The following TPCN1 variants were observed in gnomAD, a reference collection of about 807,000 sequenced individuals.
TPCN1 encodes the protein two pore channel protein 1.
A neutral mutation model predicts 108.8 loss-of-function variants in TPCN1; 52 were observed. The observed-to-expected ratio is 0.48, with a 90% CI of 0.38 to 0.60. The LOEUF (loss-of-function observed/expected upper bound fraction) is 0.60. Ranked by LOEUF, TPCN1 falls within the 20% of genes least tolerant of loss-of-function variation. TPCN1 has a pLI of 0.00. For synonymous variants in TPCN1, 446 were observed against 433.7 expected, an observed-to-expected ratio of 1.03 and a Z score of -0.35; for missense variants, 806 against 1,072.8, an observed-to-expected ratio of 0.75 and a Z score of 3.47.
chr12:113,248,819 A>AAC (rs760972592), intron 2 of TPCN1, among the ~76,000 whole-genome samples: 8 of 152,202 alleles, frequency 5.3e-5, no homozygotes, highest in Non-Finnish European at 7.3e-5. Flanking sequence ...GTTACCTAAA[A>AAC]ACACACACAC....
In TPCN1 at chr12:113,266,093, C is replaced by A; in HGVS notation, c.238-87C>A. 2 of 1,426,718 alleles carry A rather than the reference C, an allele frequency of 1.4e-6. No individual in the cohort carries two copies. The highest frequency in any genetic ancestry group is 1.3e-5 in the South Asian group (1 of 79,060). The allele number at this position is 1,426,718 out of a possible 1,614,324, so 88.4% of individuals were successfully genotyped here. A position where few individuals can be genotyped will look rare whatever the true frequency, so the allele number is the denominator to read the frequency against. ...TGAATCTCTCCTCGCCTGCCTGGGG[C>A]CTTCCTTTCCTCCCCTGCCCGCGGC... is the stretch of plus-strand genomic sequence containing the variant. On this transcript the variant is annotated intron_variant, in intron 3 of 27. Transcript: ENST00000335509. This position sits in a 1 kb window ranked among gnomAD's most constrained non-coding sequence, Gnocchi z 4.2.
chr12:113,226,203 G>T (rs1347212637), intron 1 of TPCN1, among the ~76,000 whole-genome samples: 1 of 151,170 alleles, frequency 6.6e-6, no homozygotes, highest in Non-Finnish European at 1.5e-5. Context: ...TTACAGATGT[G>T]AGCCACCCCA....
chr12:113,248,728 A>G (rs1954504105), intron 2 of TPCN1, among the ~76,000 whole-genome samples: 1 of 152,186 alleles, frequency 6.6e-6, no homozygotes, highest in East Asian at 1.9e-4. Flanking sequence ...TGATCAAGGG[A>G]GGCTGGGGCA....
rs371109397 is a variant in TPCN1 at position 113,284,798 on chromosome 12, A to T, written c.1453+27A>T. ...TACGTTTCCGACATGGCTTTGCTGG[A>T]CTGCTTGTTTTAAAATTGTCTGGGA... On this transcript the variant is annotated intron_variant, in intron 17 of 27. Transcript: ENST00000335509. The surrounding 1 kb of genome is among the most constrained non-coding windows in gnomAD (Gnocchi z 4.1). 259 of 1,613,246 alleles carry T rather than the reference A, an allele frequency of 1.6e-4. No individual in the cohort carries two copies. Among genetic ancestry groups the T allele is most frequent in the Non-Finnish European group, 2.1e-4 (242 of 1,179,334 alleles).
At chr12:113,270,198 G>A (rs1369507664) in intron 7 of TPCN1, among the ~76,000 whole-genome samples, 1 of 150,982 alleles carries the variant, frequency 6.6e-6, no homozygotes, top group Non-Finnish European at 1.5e-5. Flanking sequence ...GTGAGACTTT[G>A]TCTCAAAAAA....
At chr12:113,261,331 T>C (rs939624857) in intron 3 of TPCN1, among the ~76,000 whole-genome samples, 14 of 150,428 alleles carry the variant, frequency 9.3e-5, no homozygotes, top group Non-Finnish European at 1.5e-4. Context: ...AAATGTATTA[T>C]AAGAATAATA....
intron 19 of TPCN1, 33 bp downstream of exon 19, chr12:113,287,127 A>G (rs928362814): frequency 6.4e-7 from 1 of 1,557,582 alleles, no homozygotes; most frequent in Non-Finnish European, 8.8e-7. Context: ...AGACAGGGAG[A>G]AAGAGAGGGA....
chr12:113,283,227 A>T (rs1955953600), intron 15 of TPCN1, among the ~76,000 whole-genome samples: 1 of 152,244 alleles, frequency 6.6e-6, no homozygotes, highest in South Asian at 2.1e-4. Context: ...CATTGTTTAA[A>T]ACCTGTAAGT....
chr12:113,235,955 G>T (rs890647657), intron 2 of TPCN1, among the ~76,000 whole-genome samples: 1 of 152,202 alleles, frequency 6.6e-6, no homozygotes, highest in Admixed American at 6.5e-5. Flanking sequence ...TACATGTGCT[G>T]GAGTGGGTGG....
intron 15 of TPCN1, among the ~76,000 whole-genome samples, chr12:113,283,385 G>A (rs1345899728): frequency 1.3e-5 from 2 of 151,920 alleles, no homozygotes; most frequent in Non-Finnish European, 2.9e-5. Flanking sequence ...CTGTAATTCC[G>A]GCACTTTGGA....
rs1433727412 is a variant in TPCN1, at chr12:113,284,481, C to T, written c.1343-100C>T. 1.9e-5 allele frequency: 26 copies of T among 1,350,250 alleles called. No individual in the cohort carries two copies. The South Asian group carries it at 1.9e-4, about 10-fold the overall frequency. The allele number at this position is 1,350,250 out of a possible 1,614,324, so 83.6% of individuals were successfully genotyped here. A position where few individuals can be genotyped will look rare whatever the true frequency, so the allele number is the denominator to read the frequency against. On this transcript the variant is annotated intron_variant, in intron 15 of 27. Coordinates refer to ENST00000335509, the MANE Select transcript of TPCN1 (RefSeq NM_017901.6). The surrounding 1 kb of genome is among the most constrained non-coding windows in gnomAD (Gnocchi z 4.1). ...TGGAGCAGCCCTGTTCTCCCCATCCCGTAGAGCTCCAGGAAGTTAACCAGG... is the reference window on the plus strand; with the variant it reads ...TGGAGCAGCCCTGTTCTCCCCATCCTGTAGAGCTCCAGGAAGTTAACCAGG...
rs1380967644 is a variant in TPCN1 at position 113,268,081 on chromosome 12, A to G, written c.528+125A>G. ...AGTCCATGCTCAGAGGTGTAACCCT[A>G]GGGTCCCTGTCCTGACCGTGCCCTC... On this transcript the variant is annotated intron_variant, in intron 5 of 27. Coordinates refer to ENST00000335509, the MANE Select transcript of TPCN1 (RefSeq NM_017901.6). The surrounding 1 kb of genome is among the most constrained non-coding windows in gnomAD (Gnocchi z 7.3). 3 of 737,288 alleles carry G rather than the reference A, an allele frequency of 4.1e-6. No homozygotes were observed. Among genetic ancestry groups the G allele is most frequent in the Non-Finnish European group, 7.0e-6 (3 of 428,682 alleles). The allele number at this position is 737,288 out of a possible 1,614,324, so 45.7% of individuals were successfully genotyped here.
chr12:113,246,141 G>A, intron 2 of TPCN1: 1 of 424,690 alleles, frequency 2.4e-6, no homozygotes, highest in Non-Finnish European at 4.8e-6. Flanking sequence ...TTGTTGTTTT[G>A]TATTCTCATG....
Position 113,296,165 on chromosome 12 carries a change from C to T in TPCN1, c.*89C>T, listed in dbSNP as rs1956424112. 3 of 1,529,734 alleles carry T rather than the reference C, an allele frequency of 2.0e-6. No homozygotes were observed. The highest frequency in any genetic ancestry group is 1.8e-5 in the Admixed American group (1 of 55,040). 94.8% of individuals were successfully genotyped at this position (1,529,734 alleles called of 1,614,324 possible). A position where few individuals can be genotyped will look rare whatever the true frequency, so the allele number is the denominator to read the frequency against. On this transcript the variant is annotated 3_prime_UTR_variant, in exon 28 of 28. Transcript: ENST00000335509. The stretch of plus-strand genomic sequence containing the variant: ...CGGAACTGCGGTGTGTGTACACATA[C>T]TCACGTATATGCACATATTTATATA...
Position 113,255,861 on chromosome 12 carries a change from GT to G in TPCN1, c.113-4506del, listed in dbSNP as rs543321249. On this transcript the variant is annotated intron_variant, in intron 2 of 27. Transcript: ENST00000335509. ...TATTATTGAGACAGGATCTTGCTCT[GT>G]CACCCAGGCTGGAGTGCAGTAGCTA... 3.3e-3 allele frequency among the ~76,000 whole-genome samples: 497 copies of G among 151,648 alleles called. 3 individuals are homozygous for G. The highest frequency in any genetic ancestry group is 0.011 in the African/African-American group (471 of 41,304).
At chr12:113,239,672 G>A (rs905223918) in intron 2 of TPCN1, among the ~76,000 whole-genome samples, 3 of 152,140 alleles carry the variant, frequency 2.0e-5, no homozygotes, top group Non-Finnish European at 2.9e-5. Context: ...AGGGCATGGC[G>A]TTGCTGCCCC....
chr12:113,245,534 G>T (rs1954332855), intron 2 of TPCN1, among the ~76,000 whole-genome samples: 1 of 139,800 alleles, frequency 7.2e-6, no homozygotes, highest in Non-Finnish European at 1.5e-5. Flanking sequence ...CCGGGAGGCG[G>T]AGCTTGCAGT....
At chr12:113,263,215 A>T (rs1955109475) in intron 3 of TPCN1, among the ~76,000 whole-genome samples, 1 of 152,238 alleles carries the variant, frequency 6.6e-6, no homozygotes, top group Non-Finnish European at 1.5e-5. Flanking sequence ...TAAAAAAATT[A>T]AAGAAAAACT....
chr12:113,285,795 G>A (rs888005101), intron 17 of TPCN1, 94 bp from the exon 18 acceptor site: 1 of 1,086,396 alleles, frequency 9.2e-7, no homozygotes, highest in Non-Finnish European at 1.4e-6. Flanking sequence ...TGGCCAGCAG[G>A]GAGGCTGCAG....
Sources: gnomAD v4.1 joint callset for allele counts (sites outside exome capture counted in the v4.1 genomes callset) on GRCh38, gnomAD v4.1.1 for gene constraint, Gnocchi (gnomAD v3.1) non-coding constraint, MANE v1.5 for transcripts, NCBI Gene and HGNC (gene_info 2026-07-23, HGNC 2026-07-21) for gene names.